The following MAPK10 variants were observed in gnomAD, a reference collection of about 807,000 sequenced individuals.
The protein encoded by MAPK10 is mitogen-activated protein kinase 10, also known as JNK3 alpha protein kinase.
MAPK10 carries 25 observed loss-of-function variants against 59.3 expected under a neutral mutation model. The observed-to-expected ratio is 0.42, with a 90% CI of 0.31 to 0.59. The LOEUF (loss-of-function observed/expected upper bound fraction) is 0.59, where lower values mean the gene tolerates loss of function less well. Among genes scored for constraint, MAPK10 ranks in the 20% least tolerant of loss-of-function variants. The probability of loss-of-function intolerance (pLI) is 0.15; values close to 1 mark genes in which losing one functional copy is unlikely to be tolerated. For missense variants in MAPK10, 351 were observed against 568.9 expected (o/e 0.62, Z 3.90); for synonymous variants, 190 against 200.5 (o/e 0.95, Z 0.44).
At chr4:86,467,249 G>A (rs573122705) in intron 1 of MAPK10, among the ~76,000 whole-genome samples, 7 of 152,128 alleles carry the variant, frequency 4.6e-5, no homozygotes, top group Non-Finnish European at 7.3e-5. Flanking sequence ...GCCAAGTGTC[G>A]CATAATCAAA....
At chr4:86,329,492 G>T (rs1225901224) in intron 2 of MAPK10, among the ~76,000 whole-genome samples, 1 of 152,138 alleles carries the variant, frequency 6.6e-6, no homozygotes, top group African/African-American at 2.4e-5. Context: ...TCATTGTATT[G>T]TAAGAAGTAA....
intron 3 of MAPK10, among the ~76,000 whole-genome samples, chr4:86,171,250 C>T (rs2074029834): frequency 6.6e-6 from 1 of 151,896 alleles, no homozygotes. Context: ...GAAATAGAGA[C>T]ACAAAAAACC....
chr4:86,213,101 T>A (rs974737605), intron 2 of MAPK10, among the ~76,000 whole-genome samples: 48 of 152,004 alleles, frequency 3.2e-4, no homozygotes, highest in Non-Finnish European at 5.9e-4. Context: ...AGACAACCAA[T>A]GGATCAAATA....
chr4:86,056,082 A>C (rs1378761155), intron 11 of MAPK10, among the ~76,000 whole-genome samples: 1 of 150,102 alleles, frequency 6.7e-6, no homozygotes, highest in Non-Finnish European at 1.5e-5. Context: ...TCATCAAAGG[A>C]AAATGTGACT....
intron 1 of MAPK10, among the ~76,000 whole-genome samples, chr4:86,393,717 G>A (rs76982298): frequency 6.6e-6 from 1 of 151,962 alleles, no homozygotes; most frequent in Non-Finnish European, 1.5e-5. Flanking sequence ...GTGGGTAAAG[G>A]GTACTTAGTA....
chr4:86,323,470 T>G (rs937361884), intron 2 of MAPK10, among the ~76,000 whole-genome samples: 16 of 152,178 alleles, frequency 1.1e-4, no homozygotes, highest in African/African-American at 3.9e-4. Flanking sequence ...CAAATCATGT[T>G]GAGCATCTTG....
chr4:86,506,907 G>A (rs779094364), intron 1 of MAPK10, among the ~76,000 whole-genome samples: 1 of 152,090 alleles, frequency 6.6e-6, no homozygotes, highest in Non-Finnish European at 1.5e-5. Context: ...GCCTCAAGGG[G>A]ATTTGGGTAA....
At chr4:86,422,691 T>C (rs958588302) in intron 1 of MAPK10, among the ~76,000 whole-genome samples, 7 of 151,986 alleles carry the variant, frequency 4.6e-5, no homozygotes, top group African/African-American at 1.7e-4. Flanking sequence ...TAACACACTC[T>C]CCAAAGTAAG....
rs908669233 is a variant in MAPK10 at position 86,010,906 on chromosome 4, G to A, written c.*6322C>T. On this transcript the variant is annotated 3_prime_UTR_variant, in exon 14 of 14. Coordinates refer to ENST00000641462, the MANE Select transcript of MAPK10 (RefSeq NM_138982.4). ...ACTGTTGGTTAAACATCGCAGACAA[G>A]ATCAGGTGAAGAACATTACTAGAAG... The A allele has an allele frequency of 6.6e-6, 1 of 152,190 alleles. No homozygotes were observed. The highest frequency in any genetic ancestry group is 1.5e-5 in the Non-Finnish European group (1 of 68,026). The allele number at this position is 152,190 out of a possible 1,614,324, so 9.4% of individuals were successfully genotyped here.
At chr4:86,144,933 C>G (rs1340690841) in intron 4 of MAPK10, among the ~76,000 whole-genome samples, 1 of 152,066 alleles carries the variant, frequency 6.6e-6, no homozygotes, top group Non-Finnish European at 1.5e-5. Context: ...AATTTGCACA[C>G]TATGGACACA....
chr4:86,195,875 C>T (rs2081180366), intron 2 of MAPK10, among the ~76,000 whole-genome samples: 1 of 152,182 alleles, frequency 6.6e-6, no homozygotes, highest in Non-Finnish European at 1.5e-5. Flanking sequence ...CAGCTTCATC[C>T]ATGCCCCTGC....
intron 3 of MAPK10, among the ~76,000 whole-genome samples, chr4:86,169,314 GA>G (rs1173959152): frequency 2.0e-5 from 3 of 152,048 alleles, no homozygotes; most frequent in Non-Finnish European, 4.4e-5. Context: ...TAAAACCTTT[GA>G]AAAAAATTTA....
Position 86,444,420 on chromosome 4 carries a change from A to G in MAPK10, c.-122+8610T>C, listed in dbSNP as rs190100548. Among the ~76,000 whole-genome samples, 165 of 152,334 alleles carry G rather than the reference A, an allele frequency of 1.1e-3. 1 individual carries two copies. The highest frequency in any genetic ancestry group is 3.5e-3 in the African/African-American group (147 of 41,584). Reference sequence around the variant, plus strand: ...TTACACATTTTACAAAAATTAACTCAAGATGGATTAAAGACTTAAATGTAA... The same window carrying G: ...TTACACATTTTACAAAAATTAACTCGAGATGGATTAAAGACTTAAATGTAA... On this transcript the variant is annotated intron_variant, in intron 1 of 13. Coordinates refer to the MAPK10 transcript ENST00000361569.
intron 2 of MAPK10, chr4:86,327,668 G>A (rs1313801445): frequency 1.3e-5 from 2 of 151,214 alleles, no homozygotes; most frequent in South Asian, 2.1e-4. Context: ...GACTAGGCAC[G>A]GTGGCTCACC....
chr4:86,126,857 T>C (rs1015425966), intron 4 of MAPK10, among the ~76,000 whole-genome samples: 6 of 152,030 alleles, frequency 3.9e-5, no homozygotes, highest in Admixed American at 2.6e-4. Context: ...CTCATGTGAT[T>C]TCCCCATATC....
At position 86,550,374 on chromosome 4, in the gene MAPK10, T is replaced by TAAAAAAAAAAAAA. The variant is rs753508493; in HGVS notation, c.-263+43523_-263+43535dup. ...CAGAAGGGCTAAGCAGAGCTTCAGT[T>TAAAAAAAAAAAAA]AAAAAAAAAAAAAAAAAAAAAAAAA... On this transcript the variant is annotated intron_variant, in intron 1 of 4. Transcript: ENST00000502302. Among the ~76,000 whole-genome samples, 13 of 77,388 alleles carry TAAAAAAAAAAAAA rather than the reference T, an allele frequency of 1.7e-4. 1 individual carries two copies. The highest frequency in any genetic ancestry group is 2.3e-4 in the Non-Finnish European group (10 of 43,320). The allele number at this position is 77,388 out of a possible 152,430, so 50.8% of individuals were successfully genotyped here. A position where few individuals can be genotyped will look rare whatever the true frequency, so the allele number is the denominator to read the frequency against.
At chr4:86,203,249 A>G (rs1315712301) in intron 2 of MAPK10, among the ~76,000 whole-genome samples, 1 of 151,942 alleles carries the variant, frequency 6.6e-6, no homozygotes, top group Non-Finnish European at 1.5e-5. Flanking sequence ...ATTACTGGAT[A>G]CTCCAAACAA....
intron 2 of MAPK10, among the ~76,000 whole-genome samples, chr4:86,213,658 C>T (rs949774825): frequency 2.0e-5 from 3 of 151,994 alleles, no homozygotes; most frequent in African/African-American, 7.2e-5. Context: ...CTAATACAGA[C>T]TCAATTTAAA....
chr4:86,329,518 T>C (rs1437381393), intron 2 of MAPK10, among the ~76,000 whole-genome samples: 1 of 152,218 alleles, frequency 6.6e-6, no homozygotes, highest in African/African-American at 2.4e-5. Context: ...GTGCAGCCTT[T>C]ACTGTCTGCA....
Sources: allele counts gnomAD v4.1 joint callset (sites outside exome capture counted in the v4.1 genomes callset), GRCh38; gene constraint gnomAD v4.1.1; transcripts MANE v1.5; gene names NCBI Gene and HGNC (gene_info 2026-07-23, HGNC 2026-07-21).